ZNF827: variants seen among roughly 807,000 people sequenced by gnomAD.
The protein encoded by ZNF827 is zinc finger protein 827.
A neutral mutation model predicts 102.4 loss-of-function variants in ZNF827; 13 were observed. The ratio of observed to expected loss-of-function variants is 0.13; its 90% CI spans 0.08 to 0.20. The LOEUF is 0.20. ZNF827 is among the 10% of genes least tolerant of loss of function. The pLI, the probability that ZNF827 is intolerant of heterozygous loss-of-function variation, is 1.00. For missense variants in ZNF827, 1,103 were observed against 1,344.4 expected, an observed-to-expected ratio of 0.82 and a Z score of 2.81; for synonymous variants, 523 against 536.2, an observed-to-expected ratio of 0.98 and a Z score of 0.34.
chr4:145,761,618 A>C lies in ZNF827; in HGVS notation c.*18-20T>G. ...GGGCACCTGCCGGGGAAAGCAACGC[A>C]AGGGAGGTTCAGCCGGGAAGGTTCG... On this transcript the variant is annotated intron_variant, in intron 14 of 14. Coordinates refer to ENST00000508784, the MANE Select transcript of ZNF827 (RefSeq NM_001306215.2). The surrounding 1 kb of genome is among the most constrained non-coding windows in gnomAD (Gnocchi z 6.8). 2 of 1,231,010 alleles carry C rather than the reference A, an allele frequency of 1.6e-6. No individual in the cohort carries two copies. Among genetic ancestry groups the C allele is most frequent in the African/African-American group, 3.1e-5 (2 of 64,976 alleles). 76.3% of individuals were successfully genotyped at this position (1,231,010 alleles called of 1,614,324 possible).
At chr4:145,935,903 G>T (rs569846966) in intron 1 of ZNF827, among the ~76,000 whole-genome samples, 3 of 152,272 alleles carry the variant, frequency 2.0e-5, no homozygotes, top group African/African-American at 7.2e-5. Flanking sequence ...AGGAGGGAAG[G>T]CGTTCCATCT....
At chr4:145,890,728 A>G (rs913257658) in intron 3 of ZNF827, among the ~76,000 whole-genome samples, 3 of 152,242 alleles carry the variant, frequency 2.0e-5, no homozygotes, top group Admixed American at 2.0e-4. Flanking sequence ...CAGGTTTAAA[A>G]TACAAGTTTT....
chr4:145,819,901 C>T (rs182257637), intron 8 of ZNF827: 4 of 152,360 alleles, frequency 2.6e-5, no homozygotes, highest in East Asian at 1.9e-4. Context: ...TGGCAACAAC[C>T]GCAGCCAGGA....
intron 8 of ZNF827, among the ~76,000 whole-genome samples, chr4:145,813,595 T>C (rs987312685): frequency 3.3e-5 from 5 of 152,196 alleles, no homozygotes; most frequent in Admixed American, 6.5e-5. Context: ...AAAGGCTTTA[T>C]TGTACATTTT....
At chr4:145,881,512 G>A (rs1369247455) in intron 4 of ZNF827, among the ~76,000 whole-genome samples, 2 of 152,206 alleles carry the variant, frequency 1.3e-5, no homozygotes, top group Non-Finnish European at 2.9e-5. Context: ...ATAATTTGGA[G>A]AGTTAGAATT....
rs1751457373 is a variant in ZNF827, at chr4:145,902,077, G to A, written c.1093+89C>T. 1 of 1,479,488 alleles carries A rather than the reference G, an allele frequency of 6.8e-7. No individual in the cohort carries two copies. The highest frequency in any genetic ancestry group is 1.4e-5 in the African/African-American group (1 of 70,854). The allele number at this position is 1,479,488 out of a possible 1,614,324, so 91.6% of individuals were successfully genotyped here. On this transcript the variant is annotated intron_variant, in intron 2 of 14. Coordinates refer to ENST00000508784, the MANE Select transcript of ZNF827 (RefSeq NM_001306215.2). This position sits in a 1 kb window ranked among gnomAD's most constrained non-coding sequence, Gnocchi z 4.3. ...TTTTATTCCTGCCTCAGATCAGATG[G>A]GGAACCCAACTGAAAAAAGCAATGA...
At chr4:145,872,950 T>C (rs1427106710) in intron 4 of ZNF827, among the ~76,000 whole-genome samples, 3 of 147,176 alleles carry the variant, frequency 2.0e-5, no homozygotes, top group Non-Finnish European at 3.0e-5. Context: ...CTTTTCTTTT[T>C]TTTTTTTTTT....
chr4:145,904,201 T>G (rs1263907206), intron 1 of ZNF827, among the ~76,000 whole-genome samples: 1 of 152,208 alleles, frequency 6.6e-6, no homozygotes, highest in African/African-American at 2.4e-5. Context: ...AAAAGCTGAT[T>G]GTCCAATTCT....
In ZNF827 at chr4:145,859,759, G is replaced by C. The variant is rs114724733; in HGVS notation, c.1982-10198C>G. Among the ~76,000 whole-genome samples, 470 of 152,262 alleles carry C rather than the reference G, an allele frequency of 3.1e-3. 1 individual carries two copies. Among genetic ancestry groups the C allele is most frequent in the African/African-American group, 0.01 (429 of 41,536 alleles). ...AACCAGATGGCAGGGGGAAGAGGAC[G>C]CAACCCTTACACTGGATAGCGAGAC... On this transcript the variant is annotated intron_variant, in intron 5 of 14. Coordinates refer to ENST00000508784, the MANE Select transcript of ZNF827 (RefSeq NM_001306215.2).
chr4:145,880,249 G>C (rs1233561636), intron 4 of ZNF827, among the ~76,000 whole-genome samples: 1 of 152,110 alleles, frequency 6.6e-6, no homozygotes, highest in African/African-American at 2.4e-5. Context: ...AAGAATCTCA[G>C]TTCTACCACC....
intron 1 of ZNF827, chr4:145,906,915 C>T (rs1751915396): frequency 2.6e-6 from 1 of 389,750 alleles, no homozygotes; most frequent in Non-Finnish European, 5.0e-6. Context: ...ATTCATAATA[C>T]TCTGTTAATC....
At chr4:145,844,718 AAATAAAT>A (rs2126633198) in intron 7 of ZNF827, among the ~76,000 whole-genome samples, 2 of 142,262 alleles carry the variant, frequency 1.4e-5, no homozygotes, top group East Asian at 4.4e-4. Context: ...ATAAATAAAT[AAATAAAT>A]AAATAAAATA....
At chr4:145,899,162 G>A (rs183511963) in intron 2 of ZNF827, among the ~76,000 whole-genome samples, 17 of 152,202 alleles carry the variant, frequency 1.1e-4, no homozygotes, top group Admixed American at 3.9e-4. Context: ...CTAAGGGAGA[G>A]GAAAGAATAA....
Position 145,902,414 on chromosome 4 carries a change from G to T in ZNF827, c.845C>A (p.Ala282Asp). ...PPPASSFLSL[A>D]SMTSSAALLK... ...AAGGGCCGCTGAGGAGGTCATAGAA[G>T]CCAGGGAAAGGAAGGAGCTGGCCGG... Residue 282 changes from alanine (A) to aspartate (D), a missense_variant, in exon 2 of 15, where the codon GCT becomes GAT. Around this residue, in one of 5 missense-constraint regions of ZNF827, gnomAD observed 441 missense variants for 458.6 expected, o/e 0.96. Transcript: ENST00000508784. The surrounding 1 kb of genome is among the most constrained non-coding windows in gnomAD (Gnocchi z 4.3). The T allele has an allele frequency of 6.2e-7, 1 of 1,614,218 alleles. No individual in the cohort carries two copies. The highest frequency in any genetic ancestry group is 8.5e-7 in the Non-Finnish European group (1 of 1,180,052).
intron 8 of ZNF827, among the ~76,000 whole-genome samples, chr4:145,818,025 A>C (rs759766297): frequency 2.0e-5 from 3 of 152,236 alleles, no homozygotes; most frequent in Non-Finnish European, 4.4e-5. Context: ...GAAAGATAGA[A>C]ATAGAAGAGA....
chr4:145,841,624 T>C (rs1317793894), intron 7 of ZNF827, among the ~76,000 whole-genome samples: 2 of 152,170 alleles, frequency 1.3e-5, no homozygotes, highest in African/African-American at 4.8e-5. Flanking sequence ...TACACTTGCA[T>C]TGAATTTTCT....
chr4:145,828,689 T>C (rs1218271379), intron 7 of ZNF827, among the ~76,000 whole-genome samples: 1 of 152,140 alleles, frequency 6.6e-6, no homozygotes, highest in African/African-American at 2.4e-5. Flanking sequence ...GTGGAAAGTA[T>C]ATTTTGATTT....
At chr4:145,934,076 T>C (rs927376831) in intron 1 of ZNF827, among the ~76,000 whole-genome samples, 5 of 152,162 alleles carry the variant, frequency 3.3e-5, no homozygotes, top group African/African-American at 1.2e-4. Context: ...GAAAGAACTT[T>C]TGTAAAAGAG....
At chr4:145,783,397 T>C (rs140133341) in intron 8 of ZNF827, among the ~76,000 whole-genome samples, 1 of 152,368 alleles carries the variant, frequency 6.6e-6, no homozygotes, top group East Asian at 1.9e-4. Context: ...GCCTTTTGAA[T>C]TGCTGTTTTA....
Sources: allele counts gnomAD v4.1 joint callset (sites outside exome capture counted in the v4.1 genomes callset), GRCh38; gene constraint gnomAD v4.1.1; regional missense constraint gnomAD v4.1.1; non-coding constraint Gnocchi (gnomAD v3.1); transcripts MANE v1.5; gene names NCBI Gene and HGNC (gene_info 2026-07-23, HGNC 2026-07-21).